ETHE1: variants seen among roughly 807,000 people sequenced by gnomAD.
ETHE1 encodes the protein ETHE1 persulfide dioxygenase.
ETHE1 carries 16 observed loss-of-function variants against 25.7 expected under a neutral mutation model. The observed-to-expected ratio is 0.62, with a 90% CI of 0.42 to 0.95. ETHE1 has a LOEUF of 0.95. Ranked by LOEUF, ETHE1 falls within the 40% of genes least tolerant of loss-of-function variation. The pLI is 0.00. For synonymous variants in ETHE1, 139 were observed against 135.9 expected, an observed-to-expected ratio of 1.02 and a Z score of -0.16; for missense variants, 300 against 333.6, an observed-to-expected ratio of 0.90 and a Z score of 0.79.
chr19:43,520,450 C>T (rs943967200), intron 3 of ETHE1, among the ~76,000 whole-genome samples: 12 of 151,686 alleles, frequency 7.9e-5, no homozygotes, highest in African/African-American at 2.9e-4. Flanking sequence ...ACTCTAATCC[C>T]AGCACTTTGG....
chr19:43,514,630 C>T (rs1253304569), intron 3 of ETHE1, among the ~76,000 whole-genome samples: 4 of 151,906 alleles, frequency 2.6e-5, no homozygotes, highest in African/African-American at 7.3e-5. Flanking sequence ...GGATTACAGG[C>T]ATGTACCACC....
intron 3 of ETHE1, among the ~76,000 whole-genome samples, chr19:43,524,377 C>T (rs1972197908): frequency 6.9e-6 from 1 of 145,920 alleles, no homozygotes; most frequent in South Asian, 2.2e-4. Flanking sequence ...AAAGTGAGAC[C>T]CTGTCTCAAA....
chr19:43,514,536 A>C (rs1407349532), intron 3 of ETHE1, among the ~76,000 whole-genome samples: 1 of 136,850 alleles, frequency 7.3e-6, no homozygotes, highest in Non-Finnish European at 1.5e-5. Context: ...CCCAGGCTGC[A>C]GTGCAGTGGT....
At chr19:43,513,333 G>C (rs1971956048) in intron 3 of ETHE1, among the ~76,000 whole-genome samples, 1 of 152,050 alleles carries the variant, frequency 6.6e-6, no homozygotes, top group Non-Finnish European at 1.5e-5. Flanking sequence ...GATCCACCGA[G>C]AGCTTGCACC....
At chr19:43,518,995 G>GGTTTT (rs1568497876) in intron 3 of ETHE1, among the ~76,000 whole-genome samples, 1 of 106,950 alleles carries the variant, frequency 9.4e-6, no homozygotes, top group Non-Finnish European at 1.9e-5. Context: ...TGAAATTTGT[G>GGTTTT]CTTGTTTTTT....
intron 3 of ETHE1, among the ~76,000 whole-genome samples, chr19:43,513,790 T>C (rs1294611499): frequency 6.6e-6 from 1 of 151,914 alleles, no homozygotes; most frequent in East Asian, 1.9e-4. Flanking sequence ...GGTGCAATCT[T>C]GGCTCACTGC....
intron 3 of ETHE1, among the ~76,000 whole-genome samples, chr19:43,516,623 C>CTTTTTTTTTTTTTT (rs71169249): frequency 3.1e-4 from 34 of 110,186 alleles, no homozygotes; most frequent in South Asian, 6.0e-4. Flanking sequence ...TTCTTTTTTT[C>CTTTTTTTTTTTTTT]TTTTTTTTTT....
intron 3 of ETHE1, among the ~76,000 whole-genome samples, chr19:43,518,999 GTTTTTTTTTTTTT>G (rs71169253): frequency 3.3e-5 from 3 of 91,010 alleles, no homozygotes; most frequent in East Asian, 4.0e-4. Context: ...ATTTGTGCTT[GTTTTTTTTTTTTT>G]TTTTTTTTTT....
At position 43,508,952 on chromosome 19, in the gene ETHE1, C is replaced by T. The variant is rs112190444; in HGVS notation, c.506-88G>A. 7.1e-4 allele frequency: 707 copies of T among 996,304 alleles called. 2 individuals carry two copies. The African/African-American group carries it at 9.7e-3, about 14-fold the overall frequency. 61.7% of individuals were successfully genotyped at this position (996,304 alleles called of 1,614,324 possible). On this transcript the variant is annotated intron_variant, in intron 4 of 6. Coordinates refer to ENST00000292147, the MANE Select transcript of ETHE1 (RefSeq NM_014297.5). Reference sequence around the variant, plus strand: ...CAAGAAAAGGGTAGGAGGATAAAATCACTATAGCTAAACCCTCTCCTTCGT... The same window carrying T: ...CAAGAAAAGGGTAGGAGGATAAAATTACTATAGCTAAACCCTCTCCTTCGT...
intron 3 of ETHE1, among the ~76,000 whole-genome samples, chr19:43,520,324 T>C (rs1352993213): frequency 6.6e-6 from 1 of 152,142 alleles, no homozygotes; most frequent in Non-Finnish European, 1.5e-5. Context: ...ATTGTGCCAC[T>C]GTACGCCAGC....
chr19:43,511,553 C>T lies in ETHE1; in HGVS notation c.389G>A (p.Arg130Lys). The part of the protein sequence containing the change: ...IRFGRFALET[R>K]ASPGHTPGCV... ...GCCTGGGGTGTGGCCAGGGCTGGCC[C>T]TGGTCTCCAACGCCTGGCAGGGGTG... Residue 130 changes from arginine (R) to lysine (K), a missense_variant, in exon 4 of 7, where the codon AGG becomes AAG. Transcript: ENST00000292147. 2 of 1,613,782 alleles carry T rather than the reference C, an allele frequency of 1.2e-6. No individual in the cohort carries two copies. Among genetic ancestry groups the T allele is most frequent in the Non-Finnish European group, 1.7e-6 (2 of 1,180,020 alleles).
At position 43,511,578 on chromosome 19, in the gene ETHE1, G is replaced by A. The variant is rs781192460; in HGVS notation, c.376-12C>T. ...CTGGTCTCCAACGCCTGGCAGGGGT[G>A]GAAGAGTACAGAGATAGTCACCAAG... On this transcript the variant is annotated splice_polypyrimidine_tract_variant and intron_variant, in intron 3 of 6. Transcript: ENST00000292147. 1 of 1,611,992 alleles carries A rather than the reference G, an allele frequency of 6.2e-7. No homozygotes were observed.
chr19:43,524,310 G>T (rs1457218099), intron 3 of ETHE1, among the ~76,000 whole-genome samples: 1 of 151,792 alleles, frequency 6.6e-6, no homozygotes, highest in Non-Finnish European at 1.5e-5. Context: ...ACTTGAACCC[G>T]GGAGGTGGAG....
intron 3 of ETHE1, among the ~76,000 whole-genome samples, chr19:43,520,921 G>A (rs1036803601): frequency 1.3e-5 from 2 of 151,998 alleles, no homozygotes; most frequent in Non-Finnish European, 2.9e-5. Context: ...AGGGACCTGG[G>A]GGATCAGTGT....
In ETHE1 at chr19:43,527,182, C is replaced by T; in HGVS notation, c.-5G>A. 1.3e-6 allele frequency: 2 copies of T among 1,537,124 alleles called. No homozygotes were observed. Among genetic ancestry groups the T allele is most frequent in the Non-Finnish European group, 1.7e-6 (2 of 1,146,406 alleles). On this transcript the variant is annotated 5_prime_UTR_variant, in exon 1 of 7. Coordinates refer to ENST00000292147, the MANE Select transcript of ETHE1 (RefSeq NM_014297.5). ...CCTCAGTACAGCCTCCGCCATCGCG[C>T]CCACTGCGGGGTCAGGAATGAGCGG... is the stretch of plus-strand genomic sequence containing the variant.
chr19:43,513,615 C>T (rs1568494600), intron 3 of ETHE1, among the ~76,000 whole-genome samples: 1 of 152,200 alleles, frequency 6.6e-6, no homozygotes, highest in Non-Finnish European at 1.5e-5. Context: ...TTTACCCAAT[C>T]CCTGGATCCC....
At chr19:43,506,936 G>C in intron 6 of ETHE1, 34 bp from the exon 7 acceptor site, 1 of 1,612,210 alleles carries the variant, frequency 6.2e-7, no homozygotes, top group South Asian at 1.1e-5. Context: ...AAACTAAGGG[G>C]CCTAGGTAGA....
chr19:43,525,125 T>TAA (rs60796262), intron 3 of ETHE1, among the ~76,000 whole-genome samples: 3,361 of 90,568 alleles, frequency 0.037, 143 homozygotes, highest in African/African-American at 0.13. Context: ...CAGTCTCAAA[T>TAA]AAAAAAAAAA....
In ETHE1 at chr19:43,506,751, C is replaced by G; in HGVS notation, c.*99G>C. On this transcript the variant is annotated 3_prime_UTR_variant, in exon 7 of 7. Transcript: ENST00000292147. ...AAAAAAAGTTTTATTTAGGGAGCTC[C>G]AGGGAATGCGGTGGGAAAGGAGAGG... is the stretch of plus-strand genomic sequence containing the variant. The G allele has an allele frequency of 8.6e-7, 1 of 1,164,514 alleles. No individual in the cohort carries two copies. Among genetic ancestry groups the G allele is most frequent in the Non-Finnish European group, 1.3e-6 (1 of 774,828 alleles). 72.1% of individuals were successfully genotyped at this position (1,164,514 alleles called of 1,614,324 possible).
Sources: allele counts gnomAD v4.1 joint callset (sites outside exome capture counted in the v4.1 genomes callset), GRCh38; gene constraint gnomAD v4.1.1; transcripts MANE v1.5; gene names NCBI Gene and HGNC (gene_info 2026-07-23, HGNC 2026-07-21).